PINX1: variants seen among roughly 807,000 people sequenced by gnomAD.
PINX1 encodes PIN2/TERF1-interacting telomerase inhibitor 1.
In PINX1, 34 loss-of-function variants were observed where a neutral mutation model predicts 25.4. That is an observed-to-expected ratio of 1.34 (90% CI 1.02 to 1.78). The LOEUF (loss-of-function observed/expected upper bound fraction) is 1.78. Among genes scored for constraint, PINX1 ranks in the 40% most tolerant of loss-of-function variants. The pLI is 0.00. For missense variants in PINX1, 592 were observed against 404.9 expected, an observed-to-expected ratio of 1.46 and a Z score of -3.97; for synonymous variants, 197 against 147.7, an observed-to-expected ratio of 1.33 and a Z score of -2.42.
At chr8:10,779,371 C>T (rs1414404258) in intron 6 of PINX1, among the ~76,000 whole-genome samples, 1 of 152,170 alleles carries the variant, frequency 6.6e-6, no homozygotes, top group Non-Finnish European at 1.5e-5. Flanking sequence ...TTCAAAAAAG[C>T]AATTTCTAAA....
chr8:10,837,342 G>A (rs188668455), intron 1 of PINX1, among the ~76,000 whole-genome samples: 35 of 152,318 alleles, frequency 2.3e-4, no homozygotes, highest in African/African-American at 7.9e-4. Flanking sequence ...TGACTCCCTG[G>A]GGGAGGGCTC....
intron 6 of PINX1, among the ~76,000 whole-genome samples, chr8:10,812,971 T>C (rs1309942931): frequency 6.6e-6 from 1 of 152,252 alleles, no homozygotes. Context: ...AGTAAATGAC[T>C]GTACATATCT....
intron 4 of PINX1, among the ~76,000 whole-genome samples, chr8:10,829,027 C>T (rs35660623): frequency 0.059 from 8,912 of 152,166 alleles, 307 homozygotes; most frequent in South Asian, 0.08. Flanking sequence ...GTGGCTAAAG[C>T]CTGTAACCCC....
At chr8:10,800,746 C>T (rs888415157) in intron 6 of PINX1, among the ~76,000 whole-genome samples, 6 of 152,106 alleles carry the variant, frequency 3.9e-5, no homozygotes, top group Non-Finnish European at 5.9e-5. Context: ...CTGGGATTAC[C>T]GGCCTAAGTC....
At chr8:10,779,920 C>G (rs758230117) in intron 6 of PINX1, among the ~76,000 whole-genome samples, 1 of 152,120 alleles carries the variant, frequency 6.6e-6, no homozygotes, top group Non-Finnish European at 1.5e-5. Flanking sequence ...AGGGACGACT[C>G]CAAGTGTGGG....
At chr8:10,820,339 T>C (rs756550368) in intron 5 of PINX1, 70 bp from the exon 6 acceptor site, 36 of 1,042,978 alleles carry the variant, frequency 3.5e-5, no homozygotes, top group Admixed American at 3.0e-4. Flanking sequence ...ACATGAACTA[T>C]GCAGCACCTC....
intron 6 of PINX1, among the ~76,000 whole-genome samples, chr8:10,770,019 A>C (rs928916352): frequency 6.6e-6 from 1 of 152,270 alleles, no homozygotes; most frequent in African/African-American, 2.4e-5. Flanking sequence ...AATTCATATA[A>C]ATAAAAAACA....
intron 1 of PINX1, among the ~76,000 whole-genome samples, chr8:10,838,072 C>A (rs768140242): frequency 2.0e-4 from 31 of 152,244 alleles, no homozygotes; most frequent in Non-Finnish European, 2.9e-4. Context: ...CAAGTTGTCG[C>A]TGTACCTCAC....
chr8:10,784,427 G>A (rs7014155), intron 6 of PINX1, among the ~76,000 whole-genome samples: 2,992 of 152,226 alleles, frequency 0.02, 98 homozygotes, highest in African/African-American at 0.068. Flanking sequence ...AAGTTTCAGC[G>A]CTACCTAGAA....
intron 6 of PINX1, among the ~76,000 whole-genome samples, chr8:10,796,660 C>A (rs1802093625): frequency 6.6e-6 from 1 of 152,008 alleles, no homozygotes; most frequent in Non-Finnish European, 1.5e-5. Context: ...CATTACTCTG[C>A]CCACATTTTT....
At position 10,830,310 on chromosome 8, in the gene PINX1, C is replaced by T. The variant is rs536189785; in HGVS notation, c.301+1355G>A. ...AATACCAACAAAGCACCTTTCCCTTCACACTGTTGGGCTCACTTCCACACA... is the reference window on the plus strand; with the variant it reads ...AATACCAACAAAGCACCTTTCCCTTTACACTGTTGGGCTCACTTCCACACA... On this transcript the variant is annotated intron_variant, in intron 4 of 6. Transcript: ENST00000314787. 3.3e-5 allele frequency among the ~76,000 whole-genome samples: 5 copies of T among 152,338 alleles called. 1 individual carries two copies. In the South Asian group the frequency reaches 1.0e-3, roughly 32 times the overall value.
chr8:10,777,590 G>T (rs548560206), intron 6 of PINX1, among the ~76,000 whole-genome samples: 1 of 152,314 alleles, frequency 6.6e-6, no homozygotes, highest in African/African-American at 2.4e-5. Flanking sequence ...AGTGAGGTAG[G>T]CAGGGTGTAG....
intron 6 of PINX1, among the ~76,000 whole-genome samples, chr8:10,769,967 A>C (rs373844325): frequency 6.6e-6 from 1 of 152,272 alleles, no homozygotes; most frequent in Non-Finnish European, 1.5e-5. Context: ...CCACAGAAAT[A>C]GTACTTTCAA....
At chr8:10,839,443 G>A (rs1798501925) in intron 1 of PINX1, among the ~76,000 whole-genome samples, 1 of 152,226 alleles carries the variant, frequency 6.6e-6, no homozygotes, top group South Asian at 2.1e-4. Context: ...GGGCGGCGGC[G>A]GGGCCAGTCC....
chr8:10,788,925 C>T (rs1190872972), intron 6 of PINX1, among the ~76,000 whole-genome samples: 3 of 142,802 alleles, frequency 2.1e-5, no homozygotes, highest in African/African-American at 5.3e-5. Flanking sequence ...CCTGGCAAAA[C>T]AGGAACTGGT....
intron 5 of PINX1, among the ~76,000 whole-genome samples, 198 bp from the exon 6 acceptor site, chr8:10,820,467 T>C (rs900584009): frequency 1.3e-5 from 2 of 152,226 alleles, no homozygotes; most frequent in African/African-American, 4.8e-5. Context: ...TAAAACCAAG[T>C]AAATGTTTTA....
chr8:10,837,952 G>A (rs1798452876), intron 1 of PINX1, among the ~76,000 whole-genome samples: 1 of 152,208 alleles, frequency 6.6e-6, no homozygotes, highest in Non-Finnish European at 1.5e-5. Context: ...CCTACCGTAG[G>A]AGTATACTCT....
chr8:10,775,520 G>C (rs1159381974), intron 6 of PINX1, among the ~76,000 whole-genome samples: 1 of 144,350 alleles, frequency 6.9e-6, no homozygotes, highest in African/African-American at 2.5e-5. Context: ...GAAAAATGAA[G>C]TTTTAAAAAA....
intron 6 of PINX1, among the ~76,000 whole-genome samples, chr8:10,772,352 G>A (rs969094837): frequency 6.6e-6 from 1 of 152,268 alleles, no homozygotes; most frequent in Admixed American, 6.5e-5. Context: ...GAGCTAGGCA[G>A]TGATTCACGG....
Sources: gnomAD v4.1 joint callset for allele counts (sites outside exome capture counted in the v4.1 genomes callset) on GRCh38, gnomAD v4.1.1 for gene constraint, MANE v1.5 for transcripts, NCBI Gene and HGNC (gene_info 2026-07-23, HGNC 2026-07-21) for gene names.